Variants in GALNT6 observed in about 807,000 individuals in gnomAD.
GALNT6 encodes GalNAc transferase 6.
In GALNT6, 51 loss-of-function variants were observed where a neutral mutation model predicts 65.9. That is an observed-to-expected ratio of 0.77 (90% confidence interval 0.62 to 0.98). The LOEUF (loss-of-function observed/expected upper bound fraction) is 0.98. Among genes scored for constraint, GALNT6 ranks in the 50% least tolerant of loss-of-function variants. GALNT6 has a pLI of 0.00. For synonymous variants in GALNT6, 323 were observed against 315.1 expected, an observed-to-expected ratio of 1.02 and a Z score of -0.26; for missense variants, 708 against 803.3, an observed-to-expected ratio of 0.88 and a Z score of 1.43.
chr12:51,377,426 G>T, intron 3 of GALNT6, 59 bp from the exon 4 acceptor site: 1 of 1,493,936 alleles, frequency 6.7e-7, no homozygotes, highest in Non-Finnish European at 9.2e-7. Context: ...CAGGTGTGGG[G>T]AGGGCCCCAT....
intron 4 of GALNT6, among the ~76,000 whole-genome samples, chr12:51,373,420 C>G (rs750903493): frequency 3.9e-5 from 6 of 152,220 alleles, no homozygotes; most frequent in African/African-American, 1.4e-4. Flanking sequence ...CCCTTTTGCT[C>G]GGCTCTCATT....
At chr12:51,368,382 T>C (rs1194728513) in intron 4 of GALNT6, among the ~76,000 whole-genome samples, 2 of 138,240 alleles carry the variant, frequency 1.4e-5, no homozygotes, top group African/African-American at 2.7e-5. Flanking sequence ...TTTTTCCTTC[T>C]TTTTTTTTCC....
intron 3 of GALNT6, among the ~76,000 whole-genome samples, chr12:51,378,516 C>T (rs1278873953): frequency 6.6e-6 from 1 of 152,150 alleles, no homozygotes; most frequent in Non-Finnish European, 1.5e-5. Flanking sequence ...TGTTCTAGGG[C>T]TATCATACTT....
intron 2 of GALNT6, among the ~76,000 whole-genome samples, chr12:51,390,600 G>A (rs1339564542): frequency 6.6e-6 from 1 of 152,250 alleles, no homozygotes; most frequent in Non-Finnish European, 1.5e-5. Context: ...AATAGGGCCT[G>A]TGTGGTGCAC....
chr12:51,356,034 C>T, intron 10 of GALNT6, 76 bp from the exon 11 acceptor site: 1 of 1,362,052 alleles, frequency 7.3e-7, no homozygotes, highest in Non-Finnish European at 1.0e-6. Context: ...GAGCTGTCTA[C>T]CATGCATGGT....
In GALNT6 at chr12:51,364,322, A is replaced by G. The variant is rs147532065; in HGVS notation, c.848T>C (p.Leu283Pro). ...ECFHGWLEPL[L>P]ARIAEDKTVV... is the part of the protein sequence containing the mutation. ...TGTCTTGTCCTCAGCGATTCGAGCCAGGAGGGGCTCCAGCCAGCCGTGGAA... is the reference window on the plus strand; with the variant it reads ...TGTCTTGTCCTCAGCGATTCGAGCCGGGAGGGGCTCCAGCCAGCCGTGGAA... Residue 283 changes from leucine (L) to proline (P), a missense_variant, in exon 6 of 12, where the codon CTG becomes CCG. By Grantham distance (98) the Leu-to-Pro change is moderately conservative (BLOSUM62 -3). Coordinates refer to ENST00000356317, the MANE Select transcript of GALNT6 (RefSeq NM_007210.4). The G allele has an allele frequency of 4.3e-6, 7 of 1,614,210 alleles. No homozygotes were observed. Among genetic ancestry groups the G allele is most frequent in the Non-Finnish European group, 5.9e-6 (7 of 1,180,016 alleles).
intron 2 of GALNT6, among the ~76,000 whole-genome samples, chr12:51,384,088 G>C (rs948037884): frequency 6.6e-6 from 1 of 151,982 alleles, no homozygotes; most frequent in Non-Finnish European, 1.5e-5. Context: ...TTTCCCTCTC[G>C]CTGTGGCTCA....
At chr12:51,355,686 C>A in intron 11 of GALNT6, 120 bp downstream of exon 11, 1 of 843,764 alleles carries the variant, frequency 1.2e-6, no homozygotes, top group Non-Finnish European at 1.9e-6. Flanking sequence ...GCCAGGTGGT[C>A]TCGAACTCCT....
intron 4 of GALNT6, among the ~76,000 whole-genome samples, chr12:51,374,123 G>A (rs1947377555): frequency 1.3e-5 from 2 of 151,828 alleles, no homozygotes; most frequent in Admixed American, 6.6e-5. Flanking sequence ...GCCTCCCAAA[G>A]TTCTGGGATT....
At chr12:51,380,671 A>G (rs1947637840) in intron 2 of GALNT6, among the ~76,000 whole-genome samples, 2 of 152,194 alleles carry the variant, frequency 1.3e-5, no homozygotes, top group Non-Finnish European at 2.9e-5. Context: ...CATGCCTGTA[A>G]TCCCAGCTAC....
intron 6 of GALNT6, among the ~76,000 whole-genome samples, chr12:51,361,714 T>C (rs1349722152): frequency 6.6e-6 from 1 of 151,970 alleles, no homozygotes; most frequent in Non-Finnish European, 1.5e-5. Context: ...CCCGGGGAAG[T>C]ATAAGCAAGA....
chr12:51,377,100 T>G, intron 4 of GALNT6, 95 bp downstream of exon 4: 1 of 1,027,784 alleles, frequency 9.7e-7, no homozygotes, highest in Non-Finnish European at 1.5e-6. Flanking sequence ...AACAGGCTCA[T>G]GAGGTGGTGC....
In GALNT6 at chr12:51,379,362, G is replaced by A; in HGVS notation, c.420C>T (p.His140=). The change falls in exon 3 of 12, where the codon CAC becomes CAT. Residue 140 remains histidine, a synonymous_variant. Transcript: ENST00000356317. ...TQEKEEGYKK[H]CFNAFASDRI... ...GGTCGCTGGCAAAGGCATTGAAACA[G>A]TGCTTCTTATAGCCTTCTTCCTTTT... 1 of 1,561,132 alleles carries A rather than the reference G, an allele frequency of 6.4e-7. No individual in the cohort carries two copies. The highest frequency in any genetic ancestry group is 8.6e-7 in the Non-Finnish European group (1 of 1,157,656).
At chr12:51,370,706 G>A (rs1359557922) in intron 4 of GALNT6, among the ~76,000 whole-genome samples, 1 of 152,068 alleles carries the variant, frequency 6.6e-6, no homozygotes, top group Admixed American at 6.6e-5. Context: ...ACAGCGTGGA[G>A]AATTCATGTT....
At chr12:51,382,290 A>G (rs1947699956) in intron 2 of GALNT6, 1 of 152,240 alleles carries the variant, frequency 6.6e-6, no homozygotes, top group African/African-American at 2.4e-5. Flanking sequence ...AATTGGGGGC[A>G]TCAGATTTTA....
At chr12:51,357,510 G>A (rs1377903162) in intron 9 of GALNT6, 60 bp from the exon 10 acceptor site, 8 of 1,284,414 alleles carry the variant, frequency 6.2e-6, no homozygotes, top group East Asian at 4.6e-5. Context: ...TTCCTCATGT[G>A]TGGTATGGGG....
At position 51,379,446 on chromosome 12, in the gene GALNT6, G is replaced by A. The variant is rs1410679774; in HGVS notation, c.336C>T (p.Ala112=). The A allele has an allele frequency of 6.2e-7, 1 of 1,613,882 alleles. No individual in the cohort carries two copies. Among genetic ancestry groups the A allele is most frequent in the South Asian group, 1.1e-5 (1 of 91,070 alleles). Residue 112 remains alanine, a synonymous_variant, in exon 3 of 12, where the codon GCC becomes GCT. Coordinates refer to ENST00000356317, the MANE Select transcript of GALNT6 (RefSeq NM_007210.4). ...GAAATGCTTTTCCATCTGCCCCAGG[G>A]GCATTGGGGTCCTGTGGTGGCCGTT... ...FWERPPQDPN[A]PGADGKAFQK...
At chr12:51,386,282 A>T (rs1947839783) in intron 2 of GALNT6, among the ~76,000 whole-genome samples, 2 of 152,060 alleles carry the variant, frequency 1.3e-5, no homozygotes, top group Admixed American at 6.5e-5. Context: ...CTAGACCACT[A>T]CTCTGTTTAC....
intron 4 of GALNT6, among the ~76,000 whole-genome samples, chr12:51,376,635 A>C (rs1442063354): frequency 3.7e-4 from 5 of 13,592 alleles, no homozygotes; most frequent in African/African-American, 1.1e-3. Context: ...CTCCATCTCA[A>C]AAAAAAAAAA....
Sources: allele counts gnomAD v4.1 joint callset (sites outside exome capture counted in the v4.1 genomes callset), GRCh38; gene constraint gnomAD v4.1.1; transcripts MANE v1.5; gene names NCBI Gene and HGNC (gene_info 2026-07-23, HGNC 2026-07-21).